GLIS3: variants seen among roughly 807,000 people sequenced by gnomAD.
The protein encoded by GLIS3 is GLIS family zinc finger 3, also known as zinc finger protein GLIS3.
Under a neutral mutation model 78.6 loss-of-function variants are expected in GLIS3, and 53 were observed. The ratio of observed to expected loss-of-function variants is 0.67; its 90% CI spans 0.54 to 0.85. The LOEUF is 0.85. Ranked by LOEUF, GLIS3 falls within the 40% of genes least tolerant of loss-of-function variation. The pLI is 0.00. For synonymous variants in GLIS3, 684 were observed against 509.9 expected, an observed-to-expected ratio of 1.34 and a Z score of -4.60; for missense variants, 1,703 against 1,231.1, an observed-to-expected ratio of 1.38 and a Z score of -5.74.
In GLIS3 at chr9:4,037,215, G is replaced by C. The variant is rs114729042; in HGVS notation, c.1710+80553C>G. 9.0e-3 allele frequency among the ~76,000 whole-genome samples: 1,363 copies of C among 152,218 alleles called. 13 individuals are homozygous for C. Among genetic ancestry groups the C allele is most frequent in the East Asian group, 0.029 (152 of 5,188 alleles). ...AAGCTGTTAATTTCATTTCGAGAAA[G>C]ATTTCTTGAGAGAGGCATCGTAGCA... On this transcript the variant is annotated intron_variant, in intron 4 of 10. Transcript: ENST00000381971.
At chr9:4,002,721 A>C (rs1423668285) in intron 4 of GLIS3, among the ~76,000 whole-genome samples, 1 of 152,194 alleles carries the variant, frequency 6.6e-6, no homozygotes, top group African/African-American at 2.4e-5. Context: ...ATGGCAATAT[A>C]ACCCAGTTCT....
At position 3,828,360 on chromosome 9, in the gene GLIS3, C is replaced by T. The variant is rs772126214; in HGVS notation, c.2705G>A (p.Arg902His). Residue 902 changes from arginine (R) to histidine (H), a missense_variant, in exon 11 of 11, where the codon CGC becomes CAC. Physicochemically the swap from Arg to His is conservative, Grantham distance 29. Transcript: ENST00000381971. The part of the protein sequence containing the change: ...SSSSLFGESL[R>H]SGAEDATFLQ... ...GAAGGTAGCATCTTCAGCCCCGCTG[C>T]GGAGAGACTCCCCAAAGAGGCTCGA... 2.5e-5 allele frequency: 40 copies of T among 1,613,840 alleles called. No homozygotes were observed. Among genetic ancestry groups the T allele is most frequent in the Middle Eastern group, 1.7e-4 (1 of 5,806 alleles).
the GLIS3 span, among the ~76,000 whole-genome samples, chr9:4,434,493 A>T: frequency 6.6e-6 from 1 of 152,204 alleles, no homozygotes; most frequent in Non-Finnish European, 1.5e-5. Context: ...AGAATGAGAA[A>T]ATAGCATCTC....
At chr9:3,837,094 C>T (rs1375757072) in intron 9 of GLIS3, among the ~76,000 whole-genome samples, 2 of 152,126 alleles carry the variant, frequency 1.3e-5, no homozygotes, top group Non-Finnish European at 2.9e-5. Context: ...TCAGGGTCAC[C>T]AAGTCTCATA....
At chr9:3,884,269 T>C (rs1378501667) in intron 7 of GLIS3, among the ~76,000 whole-genome samples, 1 of 151,706 alleles carries the variant, frequency 6.6e-6, no homozygotes, top group Non-Finnish European at 1.5e-5. Context: ...AGAGTGTTAG[T>C]AGCATCCCCA....
chr9:4,375,743 G>A, the GLIS3 span, among the ~76,000 whole-genome samples: 2 of 152,156 alleles, frequency 1.3e-5, no homozygotes, highest in African/African-American at 4.8e-5. Context: ...ATTTCCTGTT[G>A]CCAACCAATA....
At chr9:4,300,581 T>C (rs1587368534), upstream of GLIS3, among the ~76,000 whole-genome samples, 2 of 152,142 alleles carry the variant, frequency 1.3e-5, no homozygotes, top group South Asian at 2.1e-4. Flanking sequence ...AGGAAGGTGA[T>C]GGAAGTGTTA....
At chr9:4,341,650 A>G (rs983264930) in intron 2 of GLIS3, among the ~76,000 whole-genome samples, 22 of 152,378 alleles carry the variant, frequency 1.4e-4, no homozygotes, top group Non-Finnish European at 2.5e-4. Context: ...GAAAACCAAT[A>G]GAAAAAGACC....
intron 4 of GLIS3, among the ~76,000 whole-genome samples, chr9:4,041,794 C>T (rs1295351393): frequency 2.0e-5 from 3 of 152,180 alleles, no homozygotes; most frequent in Non-Finnish European, 2.9e-5. Flanking sequence ...TTGCTTGAGT[C>T]ACTATTTCCT....
intron 2 of GLIS3, among the ~76,000 whole-genome samples, chr9:4,132,043 T>G (rs61321878): frequency 0.028 from 4,217 of 150,602 alleles, 196 homozygotes; most frequent in African/African-American, 0.098. Context: ...ACGGCCAATG[T>G]TTTTTTTAAA....
chr9:4,483,532 A>G, the GLIS3 span, among the ~76,000 whole-genome samples: 10 of 152,178 alleles, frequency 6.6e-5, no homozygotes, highest in South Asian at 8.3e-4. Context: ...AGCCTGACCA[A>G]CATGGTGAAA....
At chr9:4,306,283 C>T (rs1817226722) in intron 4 of GLIS3, among the ~76,000 whole-genome samples, 1 of 150,962 alleles carries the variant, frequency 6.6e-6, no homozygotes, top group South Asian at 2.1e-4. Flanking sequence ...CTATGTTGCC[C>T]AGGCTGTGGG....
chr9:4,287,087 T>A (rs1019782516), intron 1 of GLIS3, among the ~76,000 whole-genome samples: 16 of 152,198 alleles, frequency 1.1e-4, no homozygotes, highest in African/African-American at 3.9e-4. Flanking sequence ...TTTTTATATA[T>A]CCACATATTC....
intron 2 of GLIS3, among the ~76,000 whole-genome samples, chr9:4,230,313 G>T (rs1255034340): frequency 6.6e-6 from 1 of 152,232 alleles, no homozygotes; most frequent in African/African-American, 2.4e-5. Context: ...CTGCAGGCCA[G>T]AAGCAGGCAG....
Position 3,967,000 on chromosome 9 carries a change from ATTTC to A in GLIS3, c.1711-29815_1711-29812del, listed in dbSNP as rs542081246. On this transcript the variant is annotated intron_variant, in intron 4 of 10. Coordinates refer to ENST00000381971, the MANE Select transcript of GLIS3 (RefSeq NM_001042413.2). Reference sequence around the variant, plus strand: ...TTATTCCTACCCTCAACTCCAGACAATTTCTTTCTGCAAAAAAAAAAAAAAAAAA... The same window carrying A: ...TTATTCCTACCCTCAACTCCAGACAATTTCTGCAAAAAAAAAAAAAAAAAA... 1.7e-3 allele frequency among the ~76,000 whole-genome samples: 189 copies of A among 111,354 alleles called. 5 individuals are homozygous for A. In the South Asian group the frequency reaches 0.026, roughly 15 times the overall value. The allele number at this position is 111,354 out of a possible 152,430, so 73.1% of individuals were successfully genotyped here.
At chr9:4,147,920 G>T (rs1175722876) in intron 2 of GLIS3, among the ~76,000 whole-genome samples, 1 of 152,066 alleles carries the variant, frequency 6.6e-6, no homozygotes, top group African/African-American at 2.4e-5. Flanking sequence ...AATTCACAAA[G>T]GTAAGTCAAC....
chr9:4,458,889 T>C, the GLIS3 span, among the ~76,000 whole-genome samples: 1 of 152,176 alleles, frequency 6.6e-6, no homozygotes, highest in Non-Finnish European at 1.5e-5. Flanking sequence ...AGTGACATGT[T>C]CAAAGACAAG....
At chr9:4,162,975 C>T (rs1835613492) in intron 2 of GLIS3, among the ~76,000 whole-genome samples, 1 of 151,888 alleles carries the variant, frequency 6.6e-6, no homozygotes, top group Non-Finnish European at 1.5e-5. Flanking sequence ...CTTCTCTGGA[C>T]CCAGCTCCCT....
intron 2 of GLIS3, among the ~76,000 whole-genome samples, chr9:4,331,948 A>T (rs1817692140): frequency 1.3e-5 from 2 of 152,210 alleles, no homozygotes; most frequent in African/African-American, 2.4e-5. Flanking sequence ...ATGGAAAGAT[A>T]CCAGGGAGAC....
Sources: allele counts gnomAD v4.1 joint callset (sites outside exome capture counted in the v4.1 genomes callset), GRCh38; gene constraint gnomAD v4.1.1; transcripts MANE v1.5; gene names NCBI Gene and HGNC (gene_info 2026-07-23, HGNC 2026-07-21).